Variants in PLEC observed in about 807,000 individuals in gnomAD.
The protein encoded by PLEC is hemidesmosomal protein 1.
In PLEC, 216 loss-of-function variants were observed where a neutral mutation model predicts 392.8. The ratio of observed to expected loss-of-function variants is 0.55; its 90% CI spans 0.49 to 0.62. The LOEUF (loss-of-function observed/expected upper bound fraction) is 0.62. PLEC is among the 20% of genes least tolerant of loss of function. The probability of loss-of-function intolerance (pLI) is 0.00; values close to 1 mark genes in which losing one functional copy is unlikely to be tolerated. For missense variants in PLEC, 6,863 were observed against 6,563.4 expected (o/e 1.05, Z -1.58); for synonymous variants, 3,621 against 2,980.6 (o/e 1.21, Z -7.00).
intron 25 of PLEC, among the ~76,000 whole-genome samples, chr8:143,928,855 C>T (rs1304703022): frequency 6.6e-6 from 1 of 152,184 alleles, no homozygotes; most frequent in African/African-American, 2.4e-5. Context: ...CCCAGCTCCA[C>T]TGTCTCTTCC....
Position 143,937,242 on chromosome 8 carries a change from G to A in PLEC, c.265C>T (p.Pro89Ser). Residue 89 changes from proline to serine, a missense_variant and splice_region_variant, in exon 4 of 32, where the codon CCC becomes TCC. Coordinates refer to ENST00000345136, the MANE Select transcript of PLEC (RefSeq NM_201384.3). ...LLEVLSGDSL[P>S]REKGRMRFHK... Reference sequence around the variant, plus strand: ...AAACGCATCCTCCCCTTCTCCCGGGGCTGTGGGGAGGCACAGTCAGCACCC... The same window carrying A: ...AAACGCATCCTCCCCTTCTCCCGGGACTGTGGGGAGGCACAGTCAGCACCC... 1 of 1,611,560 alleles carries A rather than the reference G, an allele frequency of 6.2e-7. No individual in the cohort carries two copies. The highest frequency in any genetic ancestry group is 8.5e-7 in the Non-Finnish European group (1 of 1,178,844).
intron 1 of PLEC, among the ~76,000 whole-genome samples, chr8:143,966,297 G>T (rs1833087265): frequency 6.6e-6 from 1 of 152,222 alleles, no homozygotes. Flanking sequence ...CCCAGGCTCA[G>T]AGCTCTGGCC....
chr8:143,918,129 C>T lies in PLEC; in HGVS notation c.11692G>A (p.Val3898Met). The T allele has an allele frequency of 6.3e-7, 1 of 1,599,418 alleles. No homozygotes were observed. Among genetic ancestry groups the T allele is most frequent in the Middle Eastern group, 1.7e-4 (1 of 6,040 alleles). The change falls in exon 32 of 32, where the codon GTG (valine) becomes ATG (methionine). Residue 3898 changes from valine to methionine, a missense_variant. By Grantham distance (21) the Val-to-Met change is conservative. Coordinates refer to ENST00000345136, the MANE Select transcript of PLEC (RefSeq NM_201384.3). ...LRKQITMEEL[V>M]RSQVMDEATA... ...GCCTCGTCCATGACCTGCGAGCGCA[C>T]CAGCTCCTCCATGGTGATCTGCTTC...
rs1554696233 is a variant in PLEC at position 143,924,208 on chromosome 8, C to G, written c.5721G>C (p.Glu1907Asp). 3.1e-6 allele frequency: 5 copies of G among 1,598,874 alleles called. No individual in the cohort carries two copies. Among genetic ancestry groups the G allele is most frequent in the Non-Finnish European group, 4.2e-6 (5 of 1,179,530 alleles). ...QLRKASDSEL[E>D]RQKGLVEDTL... ...TGTCCTCCACCAGCCCCTTCTGCCG[C>G]TCCAGCTCGCTGTCCGATGCCTTGC... The change falls in exon 31 of 32, where the codon GAG (glutamate) becomes GAC (aspartate). Residue 1907 changes from glutamate to aspartate, a missense_variant. Coordinates refer to ENST00000345136, the MANE Select transcript of PLEC (RefSeq NM_201384.3).
rs1554673511 is a variant in PLEC, at chr8:143,917,921, A to G, written c.11900T>C (p.Leu3967Pro). The G allele has an allele frequency of 1.9e-6, 3 of 1,613,100 alleles. No individual in the cohort carries two copies. Among genetic ancestry groups the G allele is most frequent in the Non-Finnish European group, 2.5e-6 (3 of 1,179,970 alleles). ...IIRPGTAFEL[L>P]EAQAATGYVI... ...GTAACCGGTGGCCGCCTGCGCCTCC[A>G]GGAGCTCAAAGGCTGTGCCGGGGCG... The change falls in exon 32 of 32, where the codon CTG becomes CCG. Residue 3967 changes from leucine (L) to proline (P), a missense_variant. Leu to Pro is a moderately conservative substitution (Grantham distance 98, BLOSUM62 -3). Transcript: ENST00000345136.
rs781936503 is a variant in PLEC at position 143,921,678 on chromosome 8, C to T, written c.8143G>A (p.Ala2715Thr). 15 of 1,613,024 alleles carry T rather than the reference C, an allele frequency of 9.3e-6. No homozygotes were observed. Among genetic ancestry groups the T allele is most frequent in the East Asian group, 2.2e-5 (1 of 44,890 alleles). ...ATNEKLSVYA[A>T]LQRQLLSPGT... ...GGACTCAGCAGCTGCCTCTGCAGGGCGGCGTAAACACTCAGCTTCTCATTG... is the reference window on the plus strand; with the variant it reads ...GGACTCAGCAGCTGCCTCTGCAGGGTGGCGTAAACACTCAGCTTCTCATTG... Residue 2715 changes from alanine (A) to threonine (T), a missense_variant, in exon 32 of 32, where the codon GCC (alanine) becomes ACC (threonine). Transcript: ENST00000345136.
rs368185191 is a variant in PLEC, at chr8:143,917,416, G to A, written c.12405C>T (p.Ser4135=). ...KRERKTSSKS[S]VRKRRVVIVD... ...CGATGACCACTCGGCGCTTGCGCAC[G>A]GAGGACTTGGAGGACGTCTTCCGCT... Residue 4135 remains serine, a synonymous_variant, in exon 32 of 32, where the codon TCC becomes TCT. Coordinates refer to ENST00000345136, the MANE Select transcript of PLEC (RefSeq NM_201384.3). 86 of 1,612,948 alleles carry A rather than the reference G, an allele frequency of 5.3e-5. 1 individual carries two copies. Among genetic ancestry groups the A allele is most frequent in the East Asian group, 1.3e-4 (6 of 44,872 alleles).
Position 143,918,213 on chromosome 8 carries a change from T to A in PLEC, c.11608A>T (p.Thr3870Ser). 6.3e-7 allele frequency: 1 copy of A among 1,577,114 alleles called. No homozygotes were observed. The highest frequency in any genetic ancestry group is 8.5e-7 in the Non-Finnish European group (1 of 1,169,870). ...LLRRCRRDDG[T>S]GQLLLPLSDA... Reference sequence around the variant, plus strand: ...GACAGTGGCAGGAGCAGCTGGCCGGTGCCGTCGTCACGACGGCACCGCCTG... The same window carrying A: ...GACAGTGGCAGGAGCAGCTGGCCGGAGCCGTCGTCACGACGGCACCGCCTG... The change falls in exon 32 of 32, where the codon ACC becomes TCC. Residue 3870 changes from threonine (T) to serine (S), a missense_variant. Thr to Ser is a moderately conservative substitution (Grantham distance 58). Coordinates refer to ENST00000345136, the MANE Select transcript of PLEC (RefSeq NM_201384.3).
upstream of PLEC, chr8:143,953,811 C>T (rs374582687): frequency 1.9e-6 from 3 of 1,610,334 alleles, no homozygotes; most frequent in Non-Finnish European, 2.5e-6. Flanking sequence ...CACCACCAGG[C>T]AGAGTCCAGC....
intron 1 of PLEC, chr8:143,945,208 G>C: frequency 4.1e-6 from 2 of 489,198 alleles, no homozygotes; most frequent in Non-Finnish European, 8.3e-6. Flanking sequence ...CCAAAGTCAC[G>C]CGCAGGCCAG....
upstream of PLEC, among the ~76,000 whole-genome samples, chr8:143,976,166 G>A (rs949192723): frequency 5.3e-5 from 8 of 152,310 alleles, no homozygotes; most frequent in African/African-American, 1.9e-4. Flanking sequence ...AGCCCGGGCC[G>A]CAGCTCCAGC....
chr8:143,920,032 A>C lies in PLEC; in HGVS notation c.9789T>G (p.Thr3263=). ...VWELISSEYF[T]AEQRQELLRQ... The stretch of plus-strand genomic sequence containing the variant: ...GCAACAGCTCCTGCCGCTGCTCCGC[A>C]GTGAAGTACTCAGAGCTGATGAGCT... Residue 3263 remains threonine (T), a synonymous_variant, in exon 32 of 32, where the codon ACT becomes ACG. Coordinates refer to ENST00000345136, the MANE Select transcript of PLEC (RefSeq NM_201384.3). 6.2e-7 allele frequency: 1 copy of C among 1,613,280 alleles called. No homozygotes were observed. Among genetic ancestry groups the C allele is most frequent in the South Asian group, 1.1e-5 (1 of 91,082 alleles).
At chr8:143,953,650 C>G, upstream of PLEC, 2 of 1,491,740 alleles carry the variant, frequency 1.3e-6, no homozygotes, top group East Asian at 2.4e-5. Context: ...GCCCGCCACC[C>G]TGCGTGGACT....
At position 143,919,124 on chromosome 8, in the gene PLEC, G is replaced by A. The variant is rs782700068; in HGVS notation, c.10697C>T (p.Ala3566Val). The A allele has an allele frequency of 5.6e-5, 91 of 1,612,946 alleles. No homozygotes were observed. The highest frequency in any genetic ancestry group is 1.2e-4 in the Admixed American group (7 of 60,014). The change falls in exon 32 of 32, where the codon GCA becomes GTA. Residue 3566 changes from alanine to valine, a missense_variant. Transcript: ENST00000345136. ...AATGTCGATCTGTGTCTCTTCAAAT[G>A]CCCTTCTTGTCTCCTCCTCAGTGTA... ...QVYTEEETRRAFEETQIDIPG... is the reference protein window; with the variant it reads ...QVYTEEETRRVFEETQIDIPG...
intron 26 of PLEC, 43 bp from the exon 27 acceptor site, chr8:143,927,809 G>C (rs371991836): frequency 6.3e-7 from 1 of 1,579,904 alleles, no homozygotes; most frequent in South Asian, 1.1e-5. Context: ...AGCTGGGCCC[G>C]CTGTACCCCC....
At position 143,920,845 on chromosome 8, in the gene PLEC, G is replaced by T; in HGVS notation, c.8976C>A (p.Ile2992=). The T allele has an allele frequency of 6.2e-7, 1 of 1,609,292 alleles. No individual in the cohort carries two copies. The highest frequency in any genetic ancestry group is 8.5e-7 in the Non-Finnish European group (1 of 1,179,928). Residue 2992 remains isoleucine, a synonymous_variant, in exon 32 of 32, where the codon ATC becomes ATA. Transcript: ENST00000345136. ...PAAELLESRV[I]DRELYQQLQR... Reference sequence around the variant, plus strand: ...GCAGCTGCTGGTAGAGCTCGCGGTCGATGACCCTGCTCTCCAGCAGCTCGG... The same window carrying T: ...GCAGCTGCTGGTAGAGCTCGCGGTCTATGACCCTGCTCTCCAGCAGCTCGG...
chr8:143,968,166 A>T (rs1259919785), intron 1 of PLEC, among the ~76,000 whole-genome samples: 2 of 152,086 alleles, frequency 1.3e-5, no homozygotes, highest in African/African-American at 4.8e-5. Flanking sequence ...AAAAGAAAAC[A>T]TTGGTGTAAA....
intron 1 of PLEC, among the ~76,000 whole-genome samples, chr8:143,968,286 A>G (rs954608967): frequency 1.3e-5 from 2 of 151,904 alleles, no homozygotes; most frequent in East Asian, 1.9e-4. Flanking sequence ...ATTAAAATGT[A>G]CGTGCTTCAA....
chr8:143,939,901 A>AC (rs1222337912), upstream of PLEC, among the ~76,000 whole-genome samples: 2 of 151,652 alleles, frequency 1.3e-5, no homozygotes, highest in Non-Finnish European at 2.9e-5. Flanking sequence ...ACCCAGAAGG[A>AC]CCCCCCAACA....
Sources: allele counts gnomAD v4.1 joint callset (sites outside exome capture counted in the v4.1 genomes callset), GRCh38; gene constraint gnomAD v4.1.1; transcripts MANE v1.5; gene names NCBI Gene and HGNC (gene_info 2026-07-23, HGNC 2026-07-21).